Variants in CC2D1A observed in about 807,000 individuals in gnomAD.
The protein encoded by CC2D1A is coiled-coil and C2 domain containing 1A.
In CC2D1A, 68 loss-of-function variants were observed where a neutral mutation model predicts 123.8. That is an observed-to-expected ratio of 0.55 (90% CI 0.45 to 0.67). The LOEUF is 0.67. Ranked by LOEUF, CC2D1A falls within the 30% of genes least tolerant of loss-of-function variation. CC2D1A has a pLI of 0.00. For synonymous variants in CC2D1A, 477 were observed against 528.0 expected (o/e 0.90, Z 1.32); for missense variants, 1,185 against 1,290.3 (o/e 0.92, Z 1.25).
At chr19:13,927,439 A>G in intron 22 of CC2D1A, 174 bp downstream of exon 22, 1 of 606,514 alleles carries the variant, frequency 1.6e-6, no homozygotes, top group Non-Finnish European at 3.0e-6. Flanking sequence ...ACCCCACTCC[A>G]TTATGATCAA....
Position 13,919,809 on chromosome 19 carries a change from G to A in CC2D1A, c.1223-9G>A. On this transcript the variant is annotated splice_polypyrimidine_tract_variant and intron_variant, in intron 11 of 28. Transcript: ENST00000318003. Reference sequence around the variant, plus strand: ...ACACACAATAACCAGGCCTCGACTGGCCACCCAGGCTTCCCCCCAATCCAG... The same window carrying A: ...ACACACAATAACCAGGCCTCGACTGACCACCCAGGCTTCCCCCCAATCCAG... The A allele has an allele frequency of 6.3e-7, 1 of 1,591,386 alleles. No individual in the cohort carries two copies. The highest frequency in any genetic ancestry group is 8.6e-7 in the Non-Finnish European group (1 of 1,165,488).
At position 13,923,536 on chromosome 19, in the gene CC2D1A, C is replaced by CGA; in HGVS notation, c.1765-12_1765-11insGA. 2 of 1,614,110 alleles carry CGA rather than the reference C, an allele frequency of 1.2e-6. No individual in the cohort carries two copies. The highest frequency in any genetic ancestry group is 1.7e-6 in the Non-Finnish European group (2 of 1,180,000). ...TTCCCTTCCCTCGACTCACTGCCTT[C>CGA]TGTTTCCCCAGATGTGCCTGAACCA... On this transcript the variant is annotated splice_polypyrimidine_tract_variant and intron_variant, in intron 15 of 28. Coordinates refer to ENST00000318003, the MANE Select transcript of CC2D1A (RefSeq NM_017721.5). The surrounding 1 kb of genome is among the most constrained non-coding windows in gnomAD (Gnocchi z 5.3).
At chr19:13,917,400 T>A (rs1971244223) in intron 6 of CC2D1A, among the ~76,000 whole-genome samples, 1 of 151,932 alleles carries the variant, frequency 6.6e-6, no homozygotes, top group Non-Finnish European at 1.5e-5. Flanking sequence ...CTAAGCCCGG[T>A]GTCTGAGGCT....
chr19:13,912,621 G>C (rs1971044103), intron 4 of CC2D1A, 28 bp downstream of exon 4: 1 of 1,611,574 alleles, frequency 6.2e-7, no homozygotes. Flanking sequence ...CCACTCCCTT[G>C]AACCACAACC....
chr19:13,930,573 T>G lies in CC2D1A; in HGVS notation c.*178T>G. On this transcript the variant is annotated 3_prime_UTR_variant, in exon 29 of 29. Transcript: ENST00000318003. This position sits in a 1 kb window ranked among gnomAD's most constrained non-coding sequence, Gnocchi z 6.8. ...CCGTGGCTGCGGGTGTTGGGAACCA[T>G]GCCTGCCAGCCAGTATGTGCCCCTC... is the stretch of plus-strand genomic sequence containing the variant. 1.4e-6 allele frequency: 1 copy of G among 696,368 alleles called. No homozygotes were observed. Among genetic ancestry groups the G allele is most frequent in the Non-Finnish European group, 2.4e-6 (1 of 424,346 alleles). The allele number at this position is 696,368 out of a possible 1,614,324, so 43.1% of individuals were successfully genotyped here. A position where few individuals can be genotyped will look rare whatever the true frequency, so the allele number is the denominator to read the frequency against.
intron 11 of CC2D1A, among the ~76,000 whole-genome samples, chr19:13,919,438 C>T (rs920028273): frequency 3.3e-5 from 5 of 152,186 alleles, no homozygotes; most frequent in African/African-American, 1.2e-4. Flanking sequence ...TGTGTCTGCA[C>T]TGTAGAAATT....
At chr19:13,926,423 TG>T in intron 17 of CC2D1A, 93 bp from the exon 18 acceptor site, 1 of 1,204,554 alleles carries the variant, frequency 8.3e-7, no homozygotes, top group Non-Finnish European at 1.2e-6. Flanking sequence ...GTTTGTTCCC[TG>T]CCCCCACTGG....
chr19:13,929,191 G>A (rs74183044), intron 24 of CC2D1A, among the ~76,000 whole-genome samples, 188 bp from the exon 25 acceptor site: 2 of 151,872 alleles, frequency 1.3e-5, no homozygotes, highest in African/African-American at 4.8e-5. Flanking sequence ...ATTTTTAGTA[G>A]AGACGGGGTT....
At position 13,930,381 on chromosome 19, in the gene CC2D1A, C is replaced by T. The variant is rs754778133; in HGVS notation, c.2842C>T (p.Arg948Trp). Residue 948 changes from arginine (R) to tryptophan (W), a missense_variant, in exon 29 of 29, where the codon CGG (arginine) becomes TGG (tryptophan). Coordinates refer to ENST00000318003, the MANE Select transcript of CC2D1A (RefSeq NM_017721.5). The surrounding 1 kb of genome is among the most constrained non-coding windows in gnomAD (Gnocchi z 6.8). ...GTGGCCTCCTCTCCCCCAGCTGCAG[C>T]GGCTCCGCAGGTGAGGAGCCCATGG... The part of the protein sequence containing the change: ...RRNLVESELQ[R>W]LRR 48 of 1,612,522 alleles carry T rather than the reference C, an allele frequency of 3.0e-5. No homozygotes were observed. The highest frequency in any genetic ancestry group is 3.3e-4 in the Middle Eastern group (2 of 6,006).
chr19:13,907,125 C>G (rs1476660996), intron 1 of CC2D1A, among the ~76,000 whole-genome samples: 2 of 152,174 alleles, frequency 1.3e-5, no homozygotes, highest in African/African-American at 2.4e-5. Flanking sequence ...CCTCAGCTTT[C>G]TCATCTGTAA....
intron 11 of CC2D1A, 87 bp downstream of exon 11, chr19:13,919,289 C>A: frequency 9.6e-7 from 1 of 1,043,648 alleles, no homozygotes; most frequent in Non-Finnish European, 1.4e-6. Flanking sequence ...GCAGGCTGTG[C>A]CCCAAGCTCC....
rs377290407 is a variant in CC2D1A at position 13,911,523 on chromosome 19, TTTG to T, written c.197-789_197-787del. Among the ~76,000 whole-genome samples the T allele has an allele frequency of 1.0e-4, 15 of 150,494 alleles. No homozygotes were observed. In the East Asian group the frequency reaches 1.2e-3, roughly 12 times the overall value. On this transcript the variant is annotated intron_variant, in intron 2 of 28. Transcript: ENST00000318003. ...AGAAAGTTGCAGAGCTGGGGTTTTT[TTTG>T]TTGTTGTTGTGTGTGTGTGTTTTTT... is the stretch of plus-strand genomic sequence containing the variant.
At chr19:13,922,970 A>T (rs961984332) in intron 14 of CC2D1A, among the ~76,000 whole-genome samples, 1 of 152,176 alleles carries the variant, frequency 6.6e-6, no homozygotes, top group Non-Finnish European at 1.5e-5. Context: ...AGGCCAGCGG[A>T]TCACTTGAGG....
Position 13,930,770 on chromosome 19 carries a change from A to C in CC2D1A, c.*375A>C. 6.6e-6 allele frequency: 2 copies of C among 304,022 alleles called. No homozygotes were observed. Among genetic ancestry groups the C allele is most frequent in the East Asian group, 5.9e-5 (1 of 16,844 alleles). The allele number at this position is 304,022 out of a possible 1,614,324, so 18.8% of individuals were successfully genotyped here. On this transcript the variant is annotated 3_prime_UTR_variant, in exon 29 of 29. Transcript: ENST00000318003. This position sits in a 1 kb window ranked among gnomAD's most constrained non-coding sequence, Gnocchi z 6.8. ...AACCCCAAAGCCCTCCTGCACCCCA[A>C]AGAAGCCACTGAGGCTGGCCGAGCC...
rs561344043 is a variant in CC2D1A, at chr19:13,918,114, C to A, written c.793C>A (p.Arg265Ser). 1 of 1,612,410 alleles carries A rather than the reference C, an allele frequency of 6.2e-7. No homozygotes were observed. The highest frequency in any genetic ancestry group is 1.7e-5 in the Admixed American group (1 of 59,950). ...TCTGGCCCAGTTGCAGAGCCGCCAG[C>A]GCGACTACAAGCTGGCTGCCCTCCA... ...GPLAQLQSRQ[R>S]DYKLAALHAK... The change falls in exon 7 of 29, where the codon CGC (arginine) becomes AGC (serine). Residue 265 changes from arginine to serine, a missense_variant. Arg to Ser is a moderately radical substitution (Grantham distance 110). Coordinates refer to ENST00000318003, the MANE Select transcript of CC2D1A (RefSeq NM_017721.5).
chr19:13,918,332 T>A, intron 7 of CC2D1A, 138 bp downstream of exon 7: 2 of 1,196,854 alleles, frequency 1.7e-6, no homozygotes, highest in Non-Finnish European at 2.3e-6. Flanking sequence ...GGAGCCTCAG[T>A]TTACCCCCTC....
intron 1 of CC2D1A, among the ~76,000 whole-genome samples, chr19:13,908,101 G>A (rs1970859122): frequency 1.3e-5 from 2 of 152,144 alleles, no homozygotes; most frequent in Non-Finnish European, 2.9e-5. Context: ...CGCTTCCCGG[G>A]TTCAAGCGAT....
chr19:13,913,336 C>T (rs1971074033), intron 5 of CC2D1A, 34 bp downstream of exon 5: 12 of 1,605,754 alleles, frequency 7.5e-6, no homozygotes, highest in Non-Finnish European at 9.4e-6. Context: ...CAGGGACCCC[C>T]CGCCAACCCC....
At chr19:13,927,779 C>G in intron 22 of CC2D1A, 114 bp from the exon 23 acceptor site, 2 of 1,103,082 alleles carry the variant, frequency 1.8e-6, no homozygotes, top group African/African-American at 1.7e-5. Context: ...GAGACTCTAT[C>G]TCAGAAAAAA....
Sources: allele counts gnomAD v4.1 joint callset (sites outside exome capture counted in the v4.1 genomes callset), GRCh38; gene constraint gnomAD v4.1.1; non-coding constraint Gnocchi (gnomAD v3.1); transcripts MANE v1.5; gene names NCBI Gene and HGNC (gene_info 2026-07-23, HGNC 2026-07-21).